IFT172: variants seen among roughly 807,000 people sequenced by gnomAD.
The protein encoded by IFT172 is intraflagellar transport 172, also known as intraflagellar transport protein 172 homolog.
IFT172 carries 164 observed loss-of-function variants against 248.9 expected under a neutral mutation model. That is an observed-to-expected ratio of 0.66 (90% confidence interval 0.58 to 0.75). The LOEUF is 0.75. IFT172 is among the 30% of genes least tolerant of loss of function. IFT172 has a pLI of 0.00. For synonymous variants in IFT172, 729 were observed against 791.6 expected, an observed-to-expected ratio of 0.92 and a Z score of 1.33; for missense variants, 1,950 against 2,192.4, an observed-to-expected ratio of 0.89 and a Z score of 2.21.
intron 20 of IFT172, 141 bp downstream of exon 20, chr2:27,462,552 AAATTAACT>A (rs1666761832): frequency 1.6e-6 from 1 of 640,108 alleles, no homozygotes; most frequent in South Asian, 2.0e-5. Context: ...GAAAAGGGTG[AAATTAACT>A]ATATAAACCC....
chr2:27,477,089 T>G (rs1052192831), intron 13 of IFT172, 128 bp downstream of exon 13: 4 of 811,816 alleles, frequency 4.9e-6, no homozygotes, highest in African/African-American at 1.7e-5. Context: ...CCTCCCAAAG[T>G]GCTGGGATTA....
chr2:27,453,098 C>T (rs1258880075), intron 35 of IFT172: 3 of 490,694 alleles, frequency 6.1e-6, no homozygotes, highest in Non-Finnish European at 1.2e-5. Flanking sequence ...GTTCTCTGAA[C>T]TCTACTTTAA....
At chr2:27,484,130 C>T (rs1219183928) in intron 4 of IFT172, 97 bp downstream of exon 4, 26 of 1,531,284 alleles carry the variant, frequency 1.7e-5, no homozygotes, top group Non-Finnish European at 2.2e-5. Flanking sequence ...AAGTCACATT[C>T]AGATGTTAGA....
intron 21 of IFT172, 41 bp from the exon 22 acceptor site, chr2:27,461,558 T>A (rs1348864700): frequency 6.2e-7 from 1 of 1,604,650 alleles, no homozygotes; most frequent in Non-Finnish European, 8.5e-7. Context: ...ACATCCCCCT[T>A]CCTACCCTTC....
chr2:27,478,294 T>A (rs1668113337), intron 10 of IFT172, 138 bp from the exon 11 acceptor site: 1 of 926,446 alleles, frequency 1.1e-6, no homozygotes. Flanking sequence ...ATATTGTTGA[T>A]AGTAATGATA....
Position 27,445,587 on chromosome 2 carries a change from G to T in IFT172, c.4915-138C>A. On this transcript the variant is annotated intron_variant, in intron 45 of 47. Coordinates refer to ENST00000260570, the MANE Select transcript of IFT172 (RefSeq NM_015662.3). This position sits in a 1 kb window ranked among gnomAD's most constrained non-coding sequence, Gnocchi z 4.4. Reference sequence around the variant, plus strand: ...GCCACGAATCCTCCTTGGATTGGGGGATGCAGTCACAGCCTTTTCTTTCTA... The same window carrying T: ...GCCACGAATCCTCCTTGGATTGGGGTATGCAGTCACAGCCTTTTCTTTCTA... 7.8e-7 allele frequency: 1 copy of T among 1,286,398 alleles called. No homozygotes were observed. The highest frequency in any genetic ancestry group is 1.1e-6 in the Non-Finnish European group (1 of 932,050). The allele number at this position is 1,286,398 out of a possible 1,614,324, so 79.7% of individuals were successfully genotyped here. A position where few individuals can be genotyped will look rare whatever the true frequency, so the allele number is the denominator to read the frequency against.
At chr2:27,444,850 T>C (rs1382892377) in intron 47 of IFT172, among the ~76,000 whole-genome samples, 164 bp downstream of exon 47, 2 of 152,200 alleles carry the variant, frequency 1.3e-5, no homozygotes, top group African/African-American at 2.4e-5. Context: ...GTTTTAACCA[T>C]GTTGGCCAGG....
chr2:27,470,299 AAGAG>A (rs1667460961), intron 16 of IFT172, among the ~76,000 whole-genome samples: 1 of 152,066 alleles, frequency 6.6e-6, no homozygotes, highest in African/African-American at 2.4e-5. Flanking sequence ...GAAAGAGTAA[AAGAG>A]AGAAGGAGAG....
Position 27,480,151 on chromosome 2 carries a change from T to A in IFT172, c.786-2A>T, listed in dbSNP as rs757253624. On this transcript the variant is annotated splice_acceptor_variant, in intron 8 of 47. Coordinates refer to ENST00000260570, the MANE Select transcript of IFT172 (RefSeq NM_015662.3). LOFTEE classifies it high-confidence loss of function. ...GGGATCCAGTTGAACACCCGAAGCC[T>A]GAAATAAAGTATGTGGCTTTTAGAA... is the stretch of plus-strand genomic sequence containing the variant. The A allele has an allele frequency of 5.2e-5, 84 of 1,612,268 alleles. No homozygotes were observed. Among genetic ancestry groups the A allele is most frequent in the Non-Finnish European group, 6.9e-5 (81 of 1,179,382 alleles).
At chr2:27,456,437 T>C (rs1666168061) in intron 30 of IFT172, 74 bp downstream of exon 30, 3 of 1,530,316 alleles carry the variant, frequency 2.0e-6, no homozygotes, top group East Asian at 2.3e-5. Context: ...CTTTCAGTTA[T>C]ACATCAATTT....
chr2:27,477,931 G>T lies in IFT172; in HGVS notation c.1167+64C>A. 3.1e-6 allele frequency: 5 copies of T among 1,589,870 alleles called. No individual in the cohort carries two copies. The South Asian group carries it at 5.7e-5, about 18-fold the overall frequency. ...GGAGAGCTTACCCCTAGGGATTTTG[G>T]GTCCCCACAAATATTAAGCCAAGAT... On this transcript the variant is annotated intron_variant, in intron 11 of 47. Coordinates refer to ENST00000260570, the MANE Select transcript of IFT172 (RefSeq NM_015662.3).
At position 27,480,025 on chromosome 2, in the gene IFT172, C is replaced by T. The variant is rs1668245618; in HGVS notation, c.909+1G>A. On this transcript the variant is annotated splice_donor_variant, in intron 9 of 47. Transcript: ENST00000260570. LOFTEE classifies it high-confidence loss of function. ...CCAGAAAGGGATTACTAGTAACACA[C>T]CACACAGAGCCGTGAGCCATCCCGC... 4 of 1,612,330 alleles carry T rather than the reference C, an allele frequency of 2.5e-6. No homozygotes were observed. The highest frequency in any genetic ancestry group is 3.4e-6 in the Non-Finnish European group (4 of 1,179,300).
chr2:27,448,948 C>T lies in IFT172; in HGVS notation c.4395G>A (p.Leu1465=), dbSNP rs1158431198. ...TAGCAGGGGCTCCGTGCTGTACATA[C>T]AGGGCCAATGCCTGGGCAGAGCTAC... ...REGSSAQALA[L]YVQHGAPANP... Residue 1465 remains leucine (L), a synonymous_variant, in exon 40 of 48, where the codon CTG becomes CTA. Transcript: ENST00000260570. 2 of 1,606,346 alleles carry T rather than the reference C, an allele frequency of 1.2e-6. No individual in the cohort carries two copies. Among genetic ancestry groups the T allele is most frequent in the East Asian group, 2.2e-5 (1 of 44,850 alleles).
chr2:27,478,198 C>A, intron 10 of IFT172, 42 bp from the exon 11 acceptor site: 1 of 1,610,950 alleles, frequency 6.2e-7, no homozygotes, highest in South Asian at 1.1e-5. Flanking sequence ...CTTCCCCAGC[C>A]CAAAAGAAGG....
chr2:27,459,210 G>T, intron 25 of IFT172, 168 bp downstream of exon 25: 1 of 821,264 alleles, frequency 1.2e-6, no homozygotes, highest in Non-Finnish European at 1.9e-6. Flanking sequence ...GTGTCACACT[G>T]GAATGAAAAT....
chr2:27,484,004 C>T, intron 4 of IFT172, 67 bp from the exon 5 acceptor site: 1 of 1,416,294 alleles, frequency 7.1e-7, no homozygotes, highest in Non-Finnish European at 1.0e-6. Context: ...ATAACAACTT[C>T]AACACCCCAC....
chr2:27,483,335 G>A lies in IFT172; in HGVS notation c.524C>T (p.Thr175Ile), dbSNP rs1296317670. The part of the protein sequence containing the change: ...KGILSGHADG[T>I]IVRYFFDDEG... ...ATCATCAAAGAAATACCTAACGATG[G>A]TACCATCTGCATGACCAGAGAGAAT... is the stretch of plus-strand genomic sequence containing the variant. Residue 175 changes from threonine (T) to isoleucine (I), a missense_variant, in exon 7 of 48, where the codon ACC becomes ATC. Coordinates refer to ENST00000260570, the MANE Select transcript of IFT172 (RefSeq NM_015662.3). 6.2e-7 allele frequency: 1 copy of A among 1,607,614 alleles called. No homozygotes were observed. The highest frequency in any genetic ancestry group is 8.5e-7 in the Non-Finnish European group (1 of 1,174,348).
rs1300911313 is a variant in IFT172 at position 27,447,522 on chromosome 2, T to G, written c.4652A>C (p.Lys1551Thr). The G allele has an allele frequency of 1.2e-6, 2 of 1,613,974 alleles. No individual in the cohort carries two copies. Among genetic ancestry groups the G allele is most frequent in the African/African-American group, 2.7e-5 (2 of 74,934 alleles). ...YATRSAAQSV[K>T]QLETVAARLS... ...CGACCCCCTACATCTCACCAGCTGT[T>G]TGACACTCTGGGCTGCAGAGCGCGT... Residue 1551 changes from lysine to threonine, a missense_variant, in exon 42 of 48, where the codon AAA becomes ACA. Physicochemically the swap from Lys to Thr is moderately conservative, Grantham distance 78. Coordinates refer to ENST00000260570, the MANE Select transcript of IFT172 (RefSeq NM_015662.3).
At position 27,485,511 on chromosome 2, in the gene IFT172, G is replaced by A; in HGVS notation, c.40-8C>T. 6.2e-7 allele frequency: 1 copy of A among 1,613,818 alleles called. No homozygotes were observed. Among genetic ancestry groups the A allele is most frequent in the Non-Finnish European group, 8.5e-7 (1 of 1,179,828 alleles). On this transcript the variant is annotated splice_region_variant and splice_polypyrimidine_tract_variant and intron_variant, in intron 1 of 47. Transcript: ENST00000260570. The stretch of plus-strand genomic sequence containing the variant: ...CACCTTTGCAGCTCCATCCTGTAGA[G>A]GCAAAGGGGTAAAAACAAACCCATG...
Sources: allele counts gnomAD v4.1 joint callset (sites outside exome capture counted in the v4.1 genomes callset), GRCh38; gene constraint gnomAD v4.1.1; non-coding constraint Gnocchi (gnomAD v3.1); transcripts MANE v1.5; gene names NCBI Gene and HGNC (gene_info 2026-07-23, HGNC 2026-07-21).